The following CDH18 variants were observed in gnomAD, a reference collection of about 807,000 sequenced individuals.
The protein encoded by CDH18 is cadherin 18, also known as cadherin-18.
Under a neutral mutation model 67.9 loss-of-function variants are expected in CDH18, and 31 were observed. That is an observed-to-expected ratio of 0.46 (90% CI 0.34 to 0.62). CDH18 has a LOEUF of 0.62. Among genes scored for constraint, CDH18 ranks in the 20% least tolerant of loss-of-function variants. The probability of loss-of-function intolerance (pLI) is 0.01; values close to 1 mark genes in which losing one functional copy is unlikely to be tolerated. For missense variants in CDH18, 890 were observed against 975.5 expected (o/e 0.91, Z 1.17); for synonymous variants, 362 against 347.2 (o/e 1.04, Z -0.48).
chr5:19,838,180 T>C (rs1172985479), intron 3 of CDH18, among the ~76,000 whole-genome samples: 1 of 152,198 alleles, frequency 6.6e-6, no homozygotes, highest in African/African-American at 2.4e-5. Context: ...AAGATTTCAA[T>C]GTTTTTATGA....
intron 1 of CDH18, among the ~76,000 whole-genome samples, chr5:20,456,143 A>G (rs2150214889): frequency 6.6e-6 from 1 of 152,230 alleles, no homozygotes; most frequent in African/African-American, 2.4e-5. Context: ...TAGGGTTAAA[A>G]GACAGCATTT....
In CDH18 at chr5:19,753,731, G is replaced by A. The variant is rs114038998; in HGVS notation, c.229-6495C>T. Among the ~76,000 whole-genome samples, 1,369 of 152,222 alleles carry A rather than the reference G, an allele frequency of 9.0e-3. 23 individuals carry two copies. The highest frequency in any genetic ancestry group is 0.031 in the African/African-American group (1,289 of 41,528). ...GAATCTTAAGTGCTGTGAGACAAAA[G>A]CTCCAGGTATCCTACAAAGGAAAAC... On this transcript the variant is annotated intron_variant, in intron 3 of 12. Transcript: ENST00000382275.
chr5:20,479,107 G>A (rs1375250842), intron 1 of CDH18, among the ~76,000 whole-genome samples: 3 of 152,018 alleles, frequency 2.0e-5, no homozygotes, highest in Non-Finnish European at 2.9e-5. Context: ...AACAACACTC[G>A]ATGCTTTTTG....
chr5:20,074,841 A>G (rs1159886475), intron 2 of CDH18, among the ~76,000 whole-genome samples: 5 of 152,186 alleles, frequency 3.3e-5, no homozygotes, highest in African/African-American at 4.8e-5. Context: ...TAAAATGGCA[A>G]AGCCACAGTT....
At chr5:19,638,988 T>G (rs1580643218) in intron 5 of CDH18, among the ~76,000 whole-genome samples, 1 of 85,012 alleles carries the variant, frequency 1.2e-5, no homozygotes, top group African/African-American at 5.2e-5. Flanking sequence ...TTTTTTTTTT[T>G]TTTTTTTTTT....
At chr5:20,561,411 T>G (rs1221387425) in intron 1 of CDH18, among the ~76,000 whole-genome samples, 2 of 152,094 alleles carry the variant, frequency 1.3e-5, no homozygotes, top group Non-Finnish European at 2.9e-5. Context: ...GACAATGGAA[T>G]ATTTTTCCGT....
intron 10 of CDH18, among the ~76,000 whole-genome samples, chr5:19,503,939 A>G (rs1248198746): frequency 6.6e-6 from 1 of 151,836 alleles, no homozygotes; most frequent in Non-Finnish European, 1.5e-5. Context: ...AAAACGAGAA[A>G]CAAAGAGAGA....
chr5:20,207,016 G>A (rs1739950622), intron 2 of CDH18, among the ~76,000 whole-genome samples: 1 of 151,238 alleles, frequency 6.6e-6, no homozygotes, highest in South Asian at 2.1e-4. Context: ...AAGCAAGAAA[G>A]AAAAATGAAG....
intron 2 of CDH18, among the ~76,000 whole-genome samples, chr5:19,977,165 A>G (rs1222842339): frequency 6.6e-6 from 1 of 152,204 alleles, no homozygotes; most frequent in African/African-American, 2.4e-5. Flanking sequence ...AATTCAGGAA[A>G]GTAAACATGT....
intron 2 of CDH18, among the ~76,000 whole-genome samples, chr5:20,110,041 A>C (rs1747322659): frequency 6.6e-6 from 1 of 152,172 alleles, no homozygotes; most frequent in African/African-American, 2.4e-5. Context: ...GACAAGAAGC[A>C]TATATATTAT....
chr5:19,844,954 A>G (rs1200646189), intron 2 of CDH18, among the ~76,000 whole-genome samples: 1 of 152,126 alleles, frequency 6.6e-6, no homozygotes, highest in Non-Finnish European at 1.5e-5. Context: ...CCCAGAATTG[A>G]CTTCTGGTGT....
Position 20,526,769 on chromosome 5 carries a change from G to A in CDH18, c.-580+48693C>T, listed in dbSNP as rs573978999. On this transcript the variant is annotated intron_variant, in intron 1 of 14. Transcript: ENST00000507958. ...CCATCCAAAGGTCAGCAGCTTCAAAGATCAAAGTTAGGTAAATCCACAAAG... is the reference window on the plus strand; with the variant it reads ...CCATCCAAAGGTCAGCAGCTTCAAAAATCAAAGTTAGGTAAATCCACAAAG... Among the ~76,000 whole-genome samples the A allele has an allele frequency of 6.2e-4, 94 of 152,206 alleles. No individual in the cohort carries two copies. In the South Asian group the frequency reaches 9.1e-3, roughly 15 times the overall value.
intron 2 of CDH18, among the ~76,000 whole-genome samples, chr5:19,970,650 T>C (rs1797933279): frequency 6.6e-6 from 1 of 151,766 alleles, no homozygotes; most frequent in Non-Finnish European, 1.5e-5. Context: ...GAAGAAATAT[T>C]TAAATGCTAA....
At chr5:20,363,998 T>C (rs1742311131) in intron 1 of CDH18, among the ~76,000 whole-genome samples, 2 of 152,194 alleles carry the variant, frequency 1.3e-5, no homozygotes, top group South Asian at 4.1e-4. Flanking sequence ...TATTTGACAA[T>C]ATGGAGGGCA....
chr5:20,322,814 TAAAGA>T (rs1397588987), intron 1 of CDH18, among the ~76,000 whole-genome samples: 1 of 152,162 alleles, frequency 6.6e-6, no homozygotes, highest in Non-Finnish European at 1.5e-5. Flanking sequence ...ATTGTCTTCA[TAAAGA>T]AATGTGTTAT....
chr5:20,432,309 A>G (rs1387756958), intron 1 of CDH18, among the ~76,000 whole-genome samples: 5 of 152,132 alleles, frequency 3.3e-5, no homozygotes, highest in African/African-American at 9.7e-5. Flanking sequence ...CCTAATGCCA[A>G]TTTGACATTG....
chr5:20,316,109 ATTAAT>A (rs570527126), intron 1 of CDH18, among the ~76,000 whole-genome samples: 1 of 152,246 alleles, frequency 6.6e-6, no homozygotes, highest in African/African-American at 2.4e-5. Context: ...AACTCTAAGG[ATTAAT>A]TTTTGTTTTC....
At position 19,612,620 on chromosome 5, in the gene CDH18, A is replaced by C; in HGVS notation, c.644-19T>G. On this transcript the variant is annotated intron_variant, in intron 5 of 12. Transcript: ENST00000382275. ...ATAACTCCTGTAATAGATATATTTTAATAAACAGTATGAGCTATATAATAA... is the reference window on the plus strand; with the variant it reads ...ATAACTCCTGTAATAGATATATTTTCATAAACAGTATGAGCTATATAATAA... The C allele has an allele frequency of 6.4e-7, 1 of 1,563,636 alleles. No individual in the cohort carries two copies. Among genetic ancestry groups the C allele is most frequent in the Non-Finnish European group, 8.8e-7 (1 of 1,134,308 alleles).
At chr5:20,563,286 C>A (rs1408294211) in intron 1 of CDH18, among the ~76,000 whole-genome samples, 1 of 152,042 alleles carries the variant, frequency 6.6e-6, no homozygotes, top group Non-Finnish European at 1.5e-5. Flanking sequence ...AAAGTATCAT[C>A]TAAACACAAT....
Sources: allele counts gnomAD v4.1 joint callset (sites outside exome capture counted in the v4.1 genomes callset), GRCh38; gene constraint gnomAD v4.1.1; transcripts MANE v1.5; gene names NCBI Gene and HGNC (gene_info 2026-07-23, HGNC 2026-07-21).